The following RBKS variants were observed in gnomAD, a reference collection of about 807,000 sequenced individuals.
The protein encoded by RBKS is ribokinase.
RBKS carries 33 observed loss-of-function variants against 33.9 expected under a neutral mutation model. The ratio of observed to expected loss-of-function variants is 0.97; its 90% CI spans 0.74 to 1.30. RBKS has a LOEUF of 1.30. Ranked by LOEUF, RBKS falls within the 50% of genes most tolerant of loss-of-function variation. RBKS has a pLI of 0.00. For synonymous variants in RBKS, 125 were observed against 143.0 expected (o/e 0.87, Z 0.90); for missense variants, 361 against 392.6 (o/e 0.92, Z 0.68).
At chr2:27,884,421 A>AT (rs1266618713) in intron 1 of RBKS, among the ~76,000 whole-genome samples, 2 of 151,822 alleles carry the variant, frequency 1.3e-5, no homozygotes, top group South Asian at 2.1e-4. Flanking sequence ...TAATTTGTGT[A>AT]TTTTTTGCGG....
At position 27,845,409 on chromosome 2, in the gene RBKS, C is replaced by T. The variant is rs116030747; in HGVS notation, c.349+1633G>A. Among the ~76,000 whole-genome samples, 1,227 of 152,296 alleles carry T rather than the reference C, an allele frequency of 8.1e-3. 12 individuals carry two copies. Among genetic ancestry groups the T allele is most frequent in the African/African-American group, 0.028 (1,155 of 41,572 alleles). ...ATAGTCTTGAGGGCATTACCGTACA[C>T]TGTAAACCAGGCAAGGTCTACCAAA... is the stretch of plus-strand genomic sequence containing the variant. On this transcript the variant is annotated intron_variant, in intron 4 of 7. Coordinates refer to ENST00000302188, the MANE Select transcript of RBKS (RefSeq NM_022128.3).
intron 1 of RBKS, among the ~76,000 whole-genome samples, chr2:27,874,727 T>G (rs1457677807): frequency 6.6e-6 from 1 of 152,212 alleles, no homozygotes; most frequent in Non-Finnish European, 1.5e-5. Context: ...AAGTCACTTT[T>G]TGTCTACCCC....
chr2:27,869,095 G>A (rs1664154933), intron 1 of RBKS, among the ~76,000 whole-genome samples: 1 of 152,124 alleles, frequency 6.6e-6, no homozygotes, highest in African/African-American at 2.4e-5. Context: ...GAAGATGGCA[G>A]GGCCAGGATT....
Position 27,890,293 on chromosome 2 carries a change from ACCG to A in RBKS, c.50_52del (p.Ala17del), listed in dbSNP as rs1664709070. On this transcript the variant is annotated inframe_deletion, in exon 1 of 8. Coordinates refer to ENST00000302188, the MANE Select transcript of RBKS (RefSeq NM_022128.3). The surrounding 1 kb of genome is among the most constrained non-coding windows in gnomAD (Gnocchi z 4.8). ...GGTCATGCAGGAGCCCACCACTACC[ACCG>A]CCGCCACCTCCTCTTGCCACTGCCT... The A allele has an allele frequency of 6.2e-7, 1 of 1,613,238 alleles. No individual in the cohort carries two copies. Among genetic ancestry groups the A allele is most frequent in the East Asian group, 2.2e-5 (1 of 44,832 alleles).
chr2:27,832,853 G>A (rs1389938875), intron 5 of RBKS, 76 bp from the exon 6 acceptor site: 4 of 958,374 alleles, frequency 4.2e-6, no homozygotes, highest in Middle Eastern at 2.1e-4. Flanking sequence ...ACATTCAGTA[G>A]GGAAAATCCC....
rs1217494223 is a variant in RBKS at position 27,801,950 on chromosome 2, G to GAAAA, written c.796-20166_796-20163dup. On this transcript the variant is annotated intron_variant, in intron 7 of 7. Coordinates refer to ENST00000302188, the MANE Select transcript of RBKS (RefSeq NM_022128.3). ...TGTCTCAGTTTCCCGAGTAGCTGGG[G>GAAAA]AAAAAAAAAAAAAATATATATATAT... is the stretch of plus-strand genomic sequence containing the variant. 1.6e-3 allele frequency among the ~76,000 whole-genome samples: 64 copies of GAAAA among 40,496 alleles called. 1 individual carries two copies. Among genetic ancestry groups the GAAAA allele is most frequent in the Admixed American group, 3.7e-3 (9 of 2,426 alleles). The allele number at this position is 40,496 out of a possible 152,430, so 26.6% of individuals were successfully genotyped here.
intron 6 of RBKS, among the ~76,000 whole-genome samples, chr2:27,830,937 C>CA (rs1678404664): frequency 6.6e-6 from 1 of 152,174 alleles, no homozygotes; most frequent in African/African-American, 2.4e-5. Context: ...ACCCAGCTAC[C>CA]ATATTATGAG....
intron 5 of RBKS, among the ~76,000 whole-genome samples, chr2:27,842,588 C>T (rs149189887): frequency 5.3e-5 from 8 of 152,152 alleles, no homozygotes; most frequent in African/African-American, 1.9e-4. Context: ...GCAGCTTAAC[C>T]TCTGCTTCTC....
intron 7 of RBKS, among the ~76,000 whole-genome samples, chr2:27,792,195 A>G (rs1677543407): frequency 6.6e-6 from 1 of 152,204 alleles, no homozygotes; most frequent in African/African-American, 2.4e-5. Context: ...GAGAGCTCCA[A>G]TTCCACCTCT....
chr2:27,832,601 G>A, intron 6 of RBKS, 85 bp downstream of exon 6: 1 of 827,246 alleles, frequency 1.2e-6, no homozygotes, highest in Admixed American at 2.1e-5. Flanking sequence ...TCATCAAATT[G>A]ATGTGGTTAG....
chr2:27,843,125 C>T lies in RBKS; in HGVS notation c.456G>A (p.Gln152=). The T allele has an allele frequency of 6.2e-7, 1 of 1,611,056 alleles. No homozygotes were observed. The change falls in exon 5 of 8, where the codon CAG becomes CAA. Residue 152 remains glutamine (Q), a synonymous_variant. Coordinates refer to ENST00000302188, the MANE Select transcript of RBKS (RefSeq NM_022128.3). ...AAGAAGTTGCTGGAGTTATTTCGAG[C>T]TGGCAGACCATGACTTTGGCTCTGC... The part of the protein sequence containing the change: ...VISRAKVMVC[Q]LEITPATSLE...
chr2:27,802,423 CAT>C (rs1189052437), intron 7 of RBKS, among the ~76,000 whole-genome samples: 24 of 130,724 alleles, frequency 1.8e-4, no homozygotes, highest in African/African-American at 7.3e-4. Flanking sequence ...GGTCAAGGAA[CAT>C]ATGTTTGTGT....
chr2:27,809,085 A>G (rs1677944097), intron 7 of RBKS, among the ~76,000 whole-genome samples: 1 of 152,284 alleles, frequency 6.6e-6, no homozygotes, highest in Non-Finnish European at 1.5e-5. Context: ...CAGCTCAACC[A>G]TAATGTTCTT....
intron 7 of RBKS, among the ~76,000 whole-genome samples, chr2:27,796,101 T>A (rs142343367): frequency 2.0e-5 from 3 of 152,348 alleles, no homozygotes; most frequent in Non-Finnish European, 4.4e-5. Flanking sequence ...TAGGTTGCCA[T>A]GGCCCAGAGT....
intron 7 of RBKS, among the ~76,000 whole-genome samples, chr2:27,802,236 C>T (rs952115889): frequency 1.3e-5 from 2 of 151,506 alleles, no homozygotes; most frequent in African/African-American, 4.9e-5. Context: ...AAATCCACCC[C>T]CATGATCCAG....
At chr2:27,783,808 G>A (rs1677334579) in intron 7 of RBKS, among the ~76,000 whole-genome samples, 1 of 149,980 alleles carries the variant, frequency 6.7e-6, no homozygotes, top group African/African-American at 2.4e-5. Context: ...TTGGGAGGCT[G>A]AGGCAGGAGA....
chr2:27,841,127 C>T (rs4462754), intron 5 of RBKS, among the ~76,000 whole-genome samples: 51,741 of 151,788 alleles, frequency 0.34, 10,615 homozygotes, highest in East Asian at 0.63. Context: ...AAGAGCTACA[C>T]GGAAGGTGAT....
At chr2:27,858,673 T>A in intron 1 of RBKS, 102 bp from the exon 2 acceptor site, 1 of 983,018 alleles carries the variant, frequency 1.0e-6, no homozygotes, top group Non-Finnish European at 1.5e-6. Flanking sequence ...CTCTAAATAG[T>A]CTTAACAATT....
intron 2 of RBKS, among the ~76,000 whole-genome samples, chr2:27,852,903 TTTG>T (rs1663779766): frequency 6.6e-6 from 1 of 152,230 alleles, no homozygotes; most frequent in Non-Finnish European, 1.5e-5. Context: ...CTAAGTTGCA[TTTG>T]TTGTCATACA....
Sources: allele counts gnomAD v4.1 joint callset (sites outside exome capture counted in the v4.1 genomes callset), GRCh38; gene constraint gnomAD v4.1.1; non-coding constraint Gnocchi (gnomAD v3.1); transcripts MANE v1.5; gene names NCBI Gene and HGNC (gene_info 2026-07-23, HGNC 2026-07-21).